SLC4A4: variants seen among roughly 807,000 people sequenced by gnomAD.
SLC4A4 encodes electrogenic sodium bicarbonate cotransporter 1.
A neutral mutation model predicts 111.5 loss-of-function variants in SLC4A4; 27 were observed. That is an observed-to-expected ratio of 0.24 (90% CI 0.18 to 0.33). The LOEUF is 0.33. SLC4A4 is among the 10% of genes least tolerant of loss of function. The probability of loss-of-function intolerance (pLI) is 1.00; values close to 1 mark genes in which losing one functional copy is unlikely to be tolerated. For synonymous variants in SLC4A4, 443 were observed against 463.4 expected, an observed-to-expected ratio of 0.96 and a Z score of 0.57; for missense variants, 909 against 1,315.5, an observed-to-expected ratio of 0.69 and a Z score of 4.78.
intron 3 of SLC4A4, among the ~76,000 whole-genome samples, chr4:71,330,684 C>T (rs1415969699): frequency 6.6e-6 from 1 of 152,178 alleles, no homozygotes; most frequent in Non-Finnish European, 1.5e-5. Context: ...GCAAGGACTT[C>T]ATGTCTAAAA....
chr4:71,267,019 G>A (rs1451679935), intron 3 of SLC4A4, among the ~76,000 whole-genome samples: 2 of 152,132 alleles, frequency 1.3e-5, no homozygotes, highest in Non-Finnish European at 2.9e-5. Flanking sequence ...AGGATGAGAT[G>A]CCTCATTCAT....
At chr4:71,376,199 ATG>A (rs1389661481) in intron 6 of SLC4A4, among the ~76,000 whole-genome samples, 1 of 150,288 alleles carries the variant, frequency 6.7e-6, no homozygotes, top group Non-Finnish European at 1.5e-5. Context: ...ACACATATAT[ATG>A]TGTGTATATA....
At chr4:71,504,679 A>G (rs1319905951) in intron 16 of SLC4A4, among the ~76,000 whole-genome samples, 2 of 138,614 alleles carry the variant, frequency 1.4e-5, no homozygotes, top group Non-Finnish European at 3.3e-5. Context: ...GGGGGGTGTT[A>G]TTATTATTTT....
chr4:71,310,809 C>G (rs1726083353), intron 3 of SLC4A4, among the ~76,000 whole-genome samples: 1 of 152,158 alleles, frequency 6.6e-6, no homozygotes. Flanking sequence ...ATCATGATGA[C>G]AAGATCAAAT....
At chr4:71,143,756 G>A (rs1744078719) in intron 2 of SLC4A4, among the ~76,000 whole-genome samples, 1 of 152,200 alleles carries the variant, frequency 6.6e-6, no homozygotes, top group Non-Finnish European at 1.5e-5. Flanking sequence ...TTTGAGAAGT[G>A]TCTGTTCATA....
At chr4:71,229,688 G>A (rs562208990) in intron 1 of SLC4A4, among the ~76,000 whole-genome samples, 5 of 152,118 alleles carry the variant, frequency 3.3e-5, no homozygotes, top group South Asian at 2.1e-4. Flanking sequence ...CAGTTTTGCC[G>A]CACCGATGTC....
At chr4:71,567,572 G>A (rs954676097) in intron 25 of SLC4A4, among the ~76,000 whole-genome samples, 2 of 151,516 alleles carry the variant, frequency 1.3e-5, no homozygotes, top group African/African-American at 4.8e-5. Context: ...ATTTAATCTA[G>A]GTATGAGATC....
chr4:71,254,484 A>G (rs1721296481), intron 2 of SLC4A4, among the ~76,000 whole-genome samples: 1 of 152,074 alleles, frequency 6.6e-6, no homozygotes, highest in Non-Finnish European at 1.5e-5. Flanking sequence ...ACCAGTTTTT[A>G]GAAACTTTTG....
chr4:71,185,710 C>T (rs1196230996), upstream of SLC4A4, among the ~76,000 whole-genome samples: 2 of 152,172 alleles, frequency 1.3e-5, no homozygotes, highest in Non-Finnish European at 2.9e-5. Flanking sequence ...ATCTCTGGAT[C>T]TCTTCCAGTT....
At chr4:71,513,379 A>G (rs1318825054) in intron 16 of SLC4A4, among the ~76,000 whole-genome samples, 1 of 151,722 alleles carries the variant, frequency 6.6e-6, no homozygotes, top group African/African-American at 2.4e-5. Context: ...ATTTTATTTT[A>G]TTGTATTGTA....
intron 8 of SLC4A4, among the ~76,000 whole-genome samples, chr4:71,443,925 C>T (rs1724997139): frequency 6.6e-6 from 1 of 152,120 alleles, no homozygotes; most frequent in Non-Finnish European, 1.5e-5. Context: ...TTGCTAGCTG[C>T]TATTAATATT....
At chr4:71,176,390 G>A (rs1035504172) in intron 2 of SLC4A4, among the ~76,000 whole-genome samples, 3 of 152,144 alleles carry the variant, frequency 2.0e-5, no homozygotes. Flanking sequence ...CGAGCTAAAG[G>A]AGGAAGTTCG....
intron 2 of SLC4A4, among the ~76,000 whole-genome samples, chr4:71,181,131 C>T (rs558515291): frequency 1.4e-3 from 208 of 148,018 alleles, no homozygotes; most frequent in Middle Eastern, 3.5e-3. Flanking sequence ...AACCAAACAC[C>T]GCATGTTCTC....
intron 13 of SLC4A4, among the ~76,000 whole-genome samples, chr4:71,467,343 T>C (rs894865265): frequency 1.2e-4 from 18 of 152,138 alleles, no homozygotes; most frequent in Admixed American, 1.0e-3. Flanking sequence ...CCCAGTTTCA[T>C]GTTCTTAACT....
chr4:71,100,218 A>T (rs969441031), intron 2 of SLC4A4, among the ~76,000 whole-genome samples: 79 of 152,310 alleles, frequency 5.2e-4, no homozygotes, highest in African/African-American at 1.8e-3. Flanking sequence ...ATACTTGCAA[A>T]TCGAATCCAG....
intron 15 of SLC4A4, among the ~76,000 whole-genome samples, chr4:71,488,888 ATG>A (rs66801188): frequency 0.2 from 27,902 of 140,484 alleles, 3,340 homozygotes; most frequent in Non-Finnish European, 0.29. Flanking sequence ...AGAAGAAAAA[ATG>A]TGTGTGTGTG....
intron 20 of SLC4A4, among the ~76,000 whole-genome samples, chr4:71,548,584 C>T (rs931067051): frequency 6.6e-6 from 1 of 151,830 alleles, no homozygotes; most frequent in Non-Finnish European, 1.5e-5. Flanking sequence ...CAGTACAAAG[C>T]ATGCAATTCA....
Position 71,067,662 on chromosome 4 carries a change from G to A in SLC4A4, c.-65+4874G>A, listed in dbSNP as rs576305123. Reference sequence around the variant, plus strand: ...AGAGAGAGCAATTTGGATAACCCAGGCCTAAATAGGTTGTGACTGAATAAA... The same window carrying A: ...AGAGAGAGCAATTTGGATAACCCAGACCTAAATAGGTTGTGACTGAATAAA... On this transcript the variant is annotated intron_variant, in intron 1 of 26. Transcript: ENST00000649996. 2.6e-5 allele frequency among the ~76,000 whole-genome samples: 4 copies of A among 152,262 alleles called. No individual in the cohort carries two copies. In the East Asian group the frequency reaches 7.7e-4, roughly 29 times the overall value.
At chr4:71,138,512 C>T (rs1222434929) in intron 2 of SLC4A4, among the ~76,000 whole-genome samples, 3 of 152,166 alleles carry the variant, frequency 2.0e-5, no homozygotes, top group South Asian at 2.1e-4. Flanking sequence ...TGCACTGTTA[C>T]ATCTCACTCG....
Sources: allele counts gnomAD v4.1 joint callset (sites outside exome capture counted in the v4.1 genomes callset), GRCh38; gene constraint gnomAD v4.1.1; transcripts MANE v1.5; gene names NCBI Gene and HGNC (gene_info 2026-07-23, HGNC 2026-07-21).